Variants in RECK observed in about 807,000 individuals in gnomAD.
RECK encodes reversion-inducing cysteine-rich protein with Kazal motifs.
In RECK, 69 loss-of-function variants were observed where a neutral mutation model predicts 115.1. That is an observed-to-expected ratio of 0.60 (90% CI 0.49 to 0.73). RECK has a LOEUF of 0.73. Among genes scored for constraint, RECK ranks in the 30% least tolerant of loss-of-function variants. The probability of loss-of-function intolerance (pLI) is 0.00; values close to 1 mark genes in which losing one functional copy is unlikely to be tolerated. For synonymous variants in RECK, 414 were observed against 419.7 expected, an observed-to-expected ratio of 0.99 and a Z score of 0.17; for missense variants, 1,047 against 1,203.7, an observed-to-expected ratio of 0.87 and a Z score of 1.93.
At chr9:36,112,225 C>T (rs555179643) in intron 15 of RECK, 80 bp from the exon 16 acceptor site, 236 of 1,349,722 alleles carry the variant, frequency 1.7e-4, no homozygotes, top group South Asian at 3.3e-4. Flanking sequence ...CATGATTGCT[C>T]ATGGTTTGCC....
At chr9:36,067,268 T>C (rs765850572) in intron 6 of RECK, among the ~76,000 whole-genome samples, 10 of 152,158 alleles carry the variant, frequency 6.6e-5, no homozygotes, top group Non-Finnish European at 7.4e-5. Context: ...GAATAATTTA[T>C]GAACCAGGCT....
At chr9:36,088,006 T>C (rs1823030861) in intron 9 of RECK, 45 bp downstream of exon 9, 1 of 1,444,194 alleles carries the variant, frequency 6.9e-7, no homozygotes, top group South Asian at 1.2e-5. Context: ...GAAAATGGCA[T>C]TTTAATTAAT....
intron 2 of RECK, chr9:36,056,935 A>T: frequency 1.0e-6 from 1 of 980,224 alleles, no homozygotes; most frequent in Non-Finnish European, 1.2e-6. Context: ...GAAAATGGCT[A>T]ATAAATAAGC....
chr9:36,104,471 G>A (rs768854230), intron 12 of RECK, among the ~76,000 whole-genome samples: 5 of 144,408 alleles, frequency 3.5e-5, no homozygotes, highest in East Asian at 2.0e-4. Flanking sequence ...TCAGCCTCCC[G>A]AGTAGCTGGC....
intron 18 of RECK, among the ~76,000 whole-genome samples, chr9:36,119,251 A>C (rs1435898880): frequency 6.6e-6 from 1 of 152,246 alleles, no homozygotes; most frequent in East Asian, 1.9e-4. Context: ...GTATTCAATT[A>C]TGAAAATTAG....
Position 36,058,807 on chromosome 9 carries a change from T to TC in RECK, c.160-20_160-19insC. ...CTTATAGAAAAATGCCACAAAAACTTTTTTTTTTTTGTCAAATAGATTTTC... is the reference window on the plus strand; with the variant it reads ...CTTATAGAAAAATGCCACAAAAACTTCTTTTTTTTTTGTCAAATAGATTTTC... On this transcript the variant is annotated intron_variant, in intron 2 of 20. Transcript: ENST00000377966. 1 of 1,468,264 alleles carries TC rather than the reference T, an allele frequency of 6.8e-7. No homozygotes were observed. Among genetic ancestry groups the TC allele is most frequent in the Non-Finnish European group, 9.2e-7 (1 of 1,083,664 alleles). 91.0% of individuals were successfully genotyped at this position (1,468,264 alleles called of 1,614,324 possible).
intron 10 of RECK, among the ~76,000 whole-genome samples, chr9:36,099,212 T>C: frequency 6.8e-6 from 1 of 146,916 alleles, no homozygotes; most frequent in Non-Finnish European, 1.5e-5. Flanking sequence ...GGTGACAGAG[T>C]GAGAACCTGT....
rs776342842 is a variant in RECK, at chr9:36,110,027, C to T, written c.1836C>T (p.Thr612=). Residue 612 remains threonine, a synonymous_variant, in exon 15 of 21, where the codon ACC becomes ACT. Coordinates refer to ENST00000377966, the MANE Select transcript of RECK (RefSeq NM_021111.3). Reference sequence around the variant, plus strand: ...TTGCTGGCAATTTGGTGTGCTCTACCCGCCTTTGCCTCAGTGAGCACAGTT... The same window carrying T: ...TTGCTGGCAATTTGGTGTGCTCTACTCGCCTTTGCCTCAGTGAGCACAGTT... ...SCFAGNLVCS[T]RLCLSEHSSE... 3.9e-5 allele frequency: 63 copies of T among 1,613,922 alleles called. No homozygotes were observed. In the South Asian group the frequency reaches 5.5e-4, roughly 14 times the overall value.
At chr9:36,051,024 G>C (rs1821278095) in intron 1 of RECK, among the ~76,000 whole-genome samples, 1 of 152,016 alleles carries the variant, frequency 6.6e-6, no homozygotes, top group Non-Finnish European at 1.5e-5. Flanking sequence ...ATATATGTAT[G>C]TGTATATATA....
At chr9:36,063,756 C>T in intron 4 of RECK, 39 bp from the exon 5 acceptor site, 1 of 1,584,292 alleles carries the variant, frequency 6.3e-7, no homozygotes. Context: ...CTTTTTATTG[C>T]TACTTATGAC....
chr9:36,098,041 A>G (rs1349196343), intron 10 of RECK, among the ~76,000 whole-genome samples: 1 of 152,176 alleles, frequency 6.6e-6, no homozygotes, highest in African/African-American at 2.4e-5. Flanking sequence ...GTGGTGCAGG[A>G]GGAGGAGAGA....
chr9:36,043,005 G>C (rs1386470633), intron 1 of RECK, among the ~76,000 whole-genome samples: 1 of 119,254 alleles, frequency 8.4e-6, no homozygotes, highest in Non-Finnish European at 1.7e-5. Context: ...CATGTCCTTA[G>C]CCCACTTTTT....
At chr9:36,114,177 C>T (rs1170276939) in intron 16 of RECK, among the ~76,000 whole-genome samples, 1 of 152,214 alleles carries the variant, frequency 6.6e-6, no homozygotes, top group African/African-American at 2.4e-5. Context: ...CTTCCAGGCA[C>T]ATTCCATTGT....
At chr9:36,116,867 AC>A in intron 16 of RECK, 117 bp from the exon 17 acceptor site, 1 of 745,742 alleles carries the variant, frequency 1.3e-6, no homozygotes, top group Non-Finnish European at 2.2e-6. Context: ...TGGAGACAGG[AC>A]TGTCCTGATT....
intron 15 of RECK, among the ~76,000 whole-genome samples, chr9:36,111,637 G>T (rs1019287148): frequency 1.3e-5 from 2 of 152,008 alleles, no homozygotes; most frequent in Admixed American, 6.6e-5. Context: ...CAGGTGATCC[G>T]CCCACCTCAG....
intron 1 of RECK, among the ~76,000 whole-genome samples, chr9:36,049,307 C>A (rs1271787257): frequency 6.6e-6 from 1 of 152,120 alleles, no homozygotes; most frequent in Non-Finnish European, 1.5e-5. Context: ...CCTTCAATCC[C>A]TGGAAGTTGG....
intron 3 of RECK, among the ~76,000 whole-genome samples, chr9:36,059,447 C>T (rs1370785175): frequency 1.1e-4 from 14 of 123,000 alleles, no homozygotes; most frequent in African/African-American, 3.8e-4. Flanking sequence ...CAGAGTAAGA[C>T]TCCGTCTCAA....
intron 6 of RECK, among the ~76,000 whole-genome samples, chr9:36,073,224 A>ACC: frequency 9.7e-6 from 1 of 102,900 alleles, no homozygotes; most frequent in Admixed American, 9.4e-5. Flanking sequence ...ACACACAGAC[A>ACC]CACACAGACA....
At chr9:36,042,252 T>A (rs1820896882) in intron 1 of RECK, among the ~76,000 whole-genome samples, 2 of 152,098 alleles carry the variant, frequency 1.3e-5, no homozygotes, top group Non-Finnish European at 2.9e-5. Flanking sequence ...CGTTGTATTG[T>A]TCTTATGCCT....
Sources: allele counts gnomAD v4.1 joint callset (sites outside exome capture counted in the v4.1 genomes callset), GRCh38; gene constraint gnomAD v4.1.1; transcripts MANE v1.5; gene names NCBI Gene and HGNC (gene_info 2026-07-23, HGNC 2026-07-21).